The following ARID5B variants were observed in gnomAD, a reference collection of about 807,000 sequenced individuals.
ARID5B encodes the protein AT-rich interactive domain-containing protein 5B.
Under a neutral mutation model 97.2 loss-of-function variants are expected in ARID5B, and 13 were observed. That is an observed-to-expected ratio of 0.13 (90% CI 0.09 to 0.21). The LOEUF (loss-of-function observed/expected upper bound fraction) is 0.21, where lower values mean the gene tolerates loss of function less well. ARID5B is among the 10% of genes least tolerant of loss of function. ARID5B has a pLI of 1.00. For synonymous variants in ARID5B, 556 were observed against 570.3 expected (o/e 0.97, Z 0.36); for missense variants, 1,210 against 1,465.3 (o/e 0.83, Z 2.84).
At chr10:62,060,888 C>G (rs1352397353) in intron 7 of ARID5B, among the ~76,000 whole-genome samples, 2 of 152,164 alleles carry the variant, frequency 1.3e-5, no homozygotes, top group East Asian at 3.8e-4. Context: ...GTTTTTCCTG[C>G]TTTTGTGTCT....
At chr10:61,909,318 G>GTTTTTTTTTTTTTT (rs777612375) in intron 2 of ARID5B, among the ~76,000 whole-genome samples, 3 of 77,260 alleles carry the variant, frequency 3.9e-5, no homozygotes, top group Non-Finnish European at 4.7e-5. Context: ...TATTCAGTGA[G>GTTTTTTTTTTTTTT]TTTTTTTTTT....
At chr10:61,965,995 C>T (rs1253281281) in intron 3 of ARID5B, among the ~76,000 whole-genome samples, 1 of 152,166 alleles carries the variant, frequency 6.6e-6, no homozygotes, top group Non-Finnish European at 1.5e-5. Flanking sequence ...TGTTCTAAAT[C>T]ATCCTTTTAA....
intron 4 of ARID5B, among the ~76,000 whole-genome samples, chr10:62,031,822 C>T (rs1169623231): frequency 6.6e-6 from 1 of 152,156 alleles, no homozygotes; most frequent in African/African-American, 2.4e-5. Context: ...CTCTCAACTC[C>T]TTAAGAAAAG....
chr10:62,035,634 G>T (rs1487381317), intron 4 of ARID5B, among the ~76,000 whole-genome samples: 2 of 152,010 alleles, frequency 1.3e-5, no homozygotes, highest in Non-Finnish European at 2.9e-5. Context: ...GCGATCACAG[G>T]CGTCTGCCAC....
chr10:62,044,811 G>A (rs1409386205), intron 4 of ARID5B, among the ~76,000 whole-genome samples: 1 of 152,190 alleles, frequency 6.6e-6, no homozygotes, highest in Non-Finnish European at 1.5e-5. Context: ...CGTCGCGCAG[G>A]ATCAAGTTGT....
At chr10:62,027,247 G>A (rs1265378872) in intron 4 of ARID5B, among the ~76,000 whole-genome samples, 1 of 126,414 alleles carries the variant, frequency 7.9e-6, no homozygotes, top group Non-Finnish European at 1.6e-5. Flanking sequence ...AACATGAAAA[G>A]TCTTCACTGT....
intron 8 of ARID5B, among the ~76,000 whole-genome samples, chr10:62,085,185 T>C (rs1479342027): frequency 2.0e-5 from 3 of 152,212 alleles, no homozygotes; most frequent in Admixed American, 1.3e-4. Context: ...TCCATAGGGA[T>C]ATTGTGGAGT....
At chr10:62,024,804 T>C (rs1291325992) in intron 4 of ARID5B, 1 of 384,172 alleles carries the variant, frequency 2.6e-6, no homozygotes, top group Non-Finnish European at 4.6e-6. Context: ...TGATCATCTG[T>C]ATTGTTATTC....
chr10:61,914,939 GC>G (rs1418318863), intron 2 of ARID5B, among the ~76,000 whole-genome samples: 14 of 152,182 alleles, frequency 9.2e-5, no homozygotes, highest in Non-Finnish European at 1.0e-4. Context: ...CAGTGGGCGA[GC>G]TTAGTTTCTC....
At position 61,993,791 on chromosome 10, in the gene ARID5B, CGTTG is replaced by C. The variant is rs546086234; in HGVS notation, c.503-6291_503-6288del. 2.7e-4 allele frequency among the ~76,000 whole-genome samples: 41 copies of C among 152,130 alleles called. 1 individual carries two copies. In the South Asian group the frequency reaches 7.9e-3, roughly 29 times the overall value. ...CAGGTATATAAAGTTGATGCTTTGC[CGTTG>C]GTTGGTTGCTAGGAGCACAGTGAAA... On this transcript the variant is annotated intron_variant, in intron 3 of 9. Coordinates refer to ENST00000279873, the MANE Select transcript of ARID5B (RefSeq NM_032199.3).
At chr10:61,989,356 C>A (rs2132854578) in intron 3 of ARID5B, among the ~76,000 whole-genome samples, 1 of 152,218 alleles carries the variant, frequency 6.6e-6, no homozygotes, top group East Asian at 1.9e-4. Flanking sequence ...TACAAGTTGG[C>A]TCACATTGTG....
intron 4 of ARID5B, among the ~76,000 whole-genome samples, chr10:62,030,191 G>A (rs1372961861): frequency 1.3e-5 from 2 of 151,592 alleles, no homozygotes; most frequent in Non-Finnish European, 2.9e-5. Context: ...GTACAGTCAC[G>A]TGATCTCGGC....
chr10:62,085,631 G>A, intron 8 of ARID5B, 71 bp from the exon 9 acceptor site: 1 of 1,286,474 alleles, frequency 7.8e-7, no homozygotes, highest in South Asian at 1.4e-5. Context: ...AGAAAAGAAA[G>A]TAAACCCCCA....
chr10:61,937,196 A>G (rs1160380386), intron 2 of ARID5B, among the ~76,000 whole-genome samples: 2 of 152,218 alleles, frequency 1.3e-5, no homozygotes, highest in Non-Finnish European at 2.9e-5. Flanking sequence ...GGGATTTTAC[A>G]TCTTGTCTGA....
rs762157955 is a variant in ARID5B at position 62,091,300 on chromosome 10, G to A, written c.1837G>A (p.Asp613Asn). The A allele has an allele frequency of 3.1e-6, 5 of 1,614,054 alleles. No individual in the cohort carries two copies. In the Admixed American group the frequency reaches 8.3e-5, roughly 27 times the overall value. The change falls in exon 10 of 10, where the codon GAT becomes AAT. Residue 613 changes from aspartate (D) to asparagine (N), a missense_variant. Asp to Asn is a conservative substitution (Grantham distance 23, BLOSUM62 1). Around this residue, in one of 8 missense-constraint regions of ARID5B, gnomAD observed 800 missense variants for 839.1 expected, o/e 0.95. Transcript: ENST00000279873. ...GCTGGCAAACCAGAATGAGACGGAGGATGACAAACTGCCCGCCATGGCAGA... is the reference window on the plus strand; with the variant it reads ...GCTGGCAAACCAGAATGAGACGGAGAATGACAAACTGCCCGCCATGGCAGA... The part of the protein sequence containing the change: ...PPLANQNETE[D>N]DKLPAMADYI...
chr10:62,035,195 T>C (rs931864402), intron 4 of ARID5B, among the ~76,000 whole-genome samples: 2 of 152,192 alleles, frequency 1.3e-5, no homozygotes, highest in African/African-American at 4.8e-5. Flanking sequence ...AAGGATAGCC[T>C]AGCCACCTGG....
chr10:61,927,065 A>C (rs977133824), intron 2 of ARID5B, among the ~76,000 whole-genome samples: 1 of 152,196 alleles, frequency 6.6e-6, no homozygotes, highest in African/African-American at 2.4e-5. Context: ...CAGGAGTTAC[A>C]GGACCATTAT....
chr10:61,977,479 G>A (rs1047131852), intron 3 of ARID5B, among the ~76,000 whole-genome samples: 4 of 152,206 alleles, frequency 2.6e-5, no homozygotes, highest in Admixed American at 6.5e-5. Flanking sequence ...CACCAACAGT[G>A]TAAAAGTGTT....
rs1840373553 is a variant in ARID5B, at chr10:62,091,599, C to G, written c.2136C>G (p.Ser712=). Residue 712 remains serine, a synonymous_variant, in exon 10 of 10, where the codon TCC becomes TCG. Transcript: ENST00000279873. ...ASLSSSYPYG[S]PPPLISKKKL... is the part of the protein sequence containing the mutation. ...TCTCCAGCAGCTACCCTTATGGCTCCCCACCCCCTTTGATCAGCAAAAAGA... is the reference window on the plus strand; with the variant it reads ...TCTCCAGCAGCTACCCTTATGGCTCGCCACCCCCTTTGATCAGCAAAAAGA... 1 of 1,613,310 alleles carries G rather than the reference C, an allele frequency of 6.2e-7. No homozygotes were observed. Among genetic ancestry groups the G allele is most frequent in the African/African-American group, 1.3e-5 (1 of 75,012 alleles).
Sources: gnomAD v4.1 joint callset for allele counts (sites outside exome capture counted in the v4.1 genomes callset) on GRCh38, gnomAD v4.1.1 for gene constraint, gnomAD v4.1.1 regional missense constraint, MANE v1.5 for transcripts, NCBI Gene and HGNC (gene_info 2026-07-23, HGNC 2026-07-21) for gene names.